LCOR: variants seen among roughly 807,000 people sequenced by gnomAD.
The protein encoded by LCOR is ligand-dependent corepressor.
Under a neutral mutation model 64.4 loss-of-function variants are expected in LCOR, and 14 were observed. The observed-to-expected ratio is 0.22, with a 90% CI of 0.14 to 0.34. The LOEUF (loss-of-function observed/expected upper bound fraction) is 0.34. LCOR is among the 10% of genes least tolerant of loss of function. The pLI, the probability that LCOR is intolerant of heterozygous loss-of-function variation, is 1.00. For missense variants in LCOR, 1,686 were observed against 1,765.3 expected, an observed-to-expected ratio of 0.96 and a Z score of 0.80; for synonymous variants, 643 against 642.5, an observed-to-expected ratio of 1.00 and a Z score of -0.01.
intron 6 of LCOR, 46 bp downstream of exon 6, chr10:96,949,341 A>T: frequency 6.5e-7 from 1 of 1,545,406 alleles, no homozygotes; most frequent in South Asian, 1.2e-5. Context: ...AGAATACTTT[A>T]CTTTGGGGAG....
intron 4 of LCOR, among the ~76,000 whole-genome samples, chr10:96,921,121 A>C (rs1401263880): frequency 3.3e-5 from 5 of 151,568 alleles, no homozygotes; most frequent in African/African-American, 1.2e-4. Flanking sequence ...GTGAGCCACC[A>C]CCCCCAGCCT....
intron 2 of LCOR, among the ~76,000 whole-genome samples, chr10:96,848,089 A>G (rs1352504802): frequency 1.3e-5 from 2 of 152,248 alleles, no homozygotes; most frequent in Non-Finnish European, 2.9e-5. Context: ...AGTAATTACT[A>G]TACCTAAGTC....
At chr10:96,905,609 C>CCCAAA (rs1846714211) in intron 2 of LCOR, among the ~76,000 whole-genome samples, 1 of 152,018 alleles carries the variant, frequency 6.6e-6, no homozygotes. Flanking sequence ...ACAGCCCTAC[C>CCCAAA]CCAACCCTTT....
Position 96,983,522 on chromosome 10 carries a change from G to T in LCOR, c.3062G>T (p.Gly1021Val), listed in dbSNP as rs1439296806. 1 of 1,614,124 alleles carries T rather than the reference G, an allele frequency of 6.2e-7. No homozygotes were observed. The highest frequency in any genetic ancestry group is 8.5e-7 in the Non-Finnish European group (1 of 1,180,032). ...SSLGLSSSGS[G>V]DAARAPKSVP... ...CTTGGGTTGTCGAGTAGTGGAAGTG[G>T]TGATGCTGCTAGGGCACCAAAATCG... Residue 1021 changes from glycine (G) to valine (V), a missense_variant, in exon 8 of 8, where the codon GGT (glycine) becomes GTT (valine). Coordinates refer to ENST00000421806, the MANE Select transcript of LCOR (RefSeq NM_001346516.2). The surrounding 1 kb of genome is among the most constrained non-coding windows in gnomAD (Gnocchi z 4.5).
At chr10:96,927,068 T>C (rs1452904834) in intron 4 of LCOR, among the ~76,000 whole-genome samples, 2 of 152,162 alleles carry the variant, frequency 1.3e-5, no homozygotes, top group Admixed American at 6.5e-5. Context: ...ATTGTAAATA[T>C]ATGTTTAACG....
rs529448666 is a variant in LCOR at position 96,920,109 on chromosome 10, G to A, written c.-184+12362G>A. On this transcript the variant is annotated intron_variant, in intron 4 of 7. Coordinates refer to ENST00000421806, the MANE Select transcript of LCOR (RefSeq NM_001346516.2). ...GCTGCATCATTTTACAGTGCTACCA[G>A]CAAGGCTAAAGGGTTCCAATTTTTC... Among the ~76,000 whole-genome samples the A allele has an allele frequency of 8.6e-5, 13 of 152,006 alleles. No homozygotes were observed. In the South Asian group the frequency reaches 2.5e-3, roughly 29 times the overall value.
intron 4 of LCOR, among the ~76,000 whole-genome samples, chr10:96,939,690 CG>C (rs2134503493): frequency 6.6e-6 from 1 of 152,280 alleles, no homozygotes; most frequent in South Asian, 2.1e-4. Context: ...CTAGGCCGGG[CG>C]CGGGGCCCAC....
intron 7 of LCOR, among the ~76,000 whole-genome samples, chr10:96,970,728 C>T (rs1042335369): frequency 1.1e-4 from 16 of 151,254 alleles, no homozygotes; most frequent in African/African-American, 3.7e-4. Context: ...GGCATGATCT[C>T]GGCTCACCAC....
At chr10:96,975,106 G>A (rs896365571) in intron 7 of LCOR, among the ~76,000 whole-genome samples, 2 of 152,220 alleles carry the variant, frequency 1.3e-5, no homozygotes, top group East Asian at 1.9e-4. Flanking sequence ...GGGAGGTGGC[G>A]GTTGCCGTGA....
intron 4 of LCOR, among the ~76,000 whole-genome samples, chr10:96,920,673 T>TGTACATTC: frequency 1.4e-5 from 2 of 144,888 alleles, no homozygotes; most frequent in East Asian, 3.9e-4. Context: ...TATATATGTA[T>TGTACATTC]ATATTCATAT....
At chr10:96,901,878 T>C (rs1846644567) in intron 2 of LCOR, among the ~76,000 whole-genome samples, 1 of 152,196 alleles carries the variant, frequency 6.6e-6, no homozygotes, top group Non-Finnish European at 1.5e-5. Context: ...CAAGTGATCT[T>C]ACCACGTCAG....
At chr10:96,957,070 A>G (rs971586336) in intron 7 of LCOR, 6 of 985,390 alleles carry the variant, frequency 6.1e-6, no homozygotes, top group African/African-American at 1.7e-5. Flanking sequence ...TTTAGGATGC[A>G]TATCAGTTCT....
chr10:96,983,778 G>T lies in LCOR; in HGVS notation c.3318G>T (p.Glu1106Asp). The part of the protein sequence containing the change: ...PKFMEWCAEE[E>D]NQELIANFNA... ...TTATGGAATGGTGTGCTGAGGAGGA[G>T]AACCAAGAGCTCATCGCCAACTTCA... The change falls in exon 8 of 8, where the codon GAG becomes GAT. Residue 1106 changes from glutamate to aspartate, a missense_variant. Around this residue, in one of 3 missense-constraint regions of LCOR, gnomAD observed 1,293 missense variants for 1,410.4 expected, o/e 0.92. Coordinates refer to ENST00000421806, the MANE Select transcript of LCOR (RefSeq NM_001346516.2). This position sits in a 1 kb window ranked among gnomAD's most constrained non-coding sequence, Gnocchi z 4.5. The T allele has an allele frequency of 1.2e-6, 2 of 1,614,124 alleles. No homozygotes were observed. Among genetic ancestry groups the T allele is most frequent in the Non-Finnish European group, 1.7e-6 (2 of 1,180,034 alleles).
chr10:96,857,975 T>C (rs1158243282), intron 2 of LCOR, among the ~76,000 whole-genome samples: 2 of 152,180 alleles, frequency 1.3e-5, no homozygotes, highest in Non-Finnish European at 2.9e-5. Context: ...AGGCTAAAAT[T>C]GAGTAAGAGG....
chr10:96,873,784 A>G (rs1291123253), intron 2 of LCOR, among the ~76,000 whole-genome samples: 1 of 151,982 alleles, frequency 6.6e-6, no homozygotes, highest in South Asian at 2.1e-4. Flanking sequence ...TTATAGTTTT[A>G]GTAGAGATGG....
In LCOR at chr10:96,941,438, G is replaced by A. The variant is rs1477689269; in HGVS notation, c.-183-2675G>A. Among the ~76,000 whole-genome samples the A allele has an allele frequency of 4.2e-5, 6 of 141,250 alleles. No individual in the cohort carries two copies. The East Asian group carries it at 1.1e-3, about 27-fold the overall frequency. 92.7% of individuals were successfully genotyped at this position (141,250 alleles called of 152,430 possible). ...CTGACCCCCCACCTCCCTCCTGGAC[G>A]GGGCGACTGGCCGGGCAGAGGGGCT... is the stretch of plus-strand genomic sequence containing the variant. On this transcript the variant is annotated intron_variant, in intron 4 of 7. Coordinates refer to ENST00000421806, the MANE Select transcript of LCOR (RefSeq NM_001346516.2).
At chr10:96,841,951 T>C (rs928910300) in intron 2 of LCOR, among the ~76,000 whole-genome samples, 2 of 152,090 alleles carry the variant, frequency 1.3e-5, no homozygotes, top group African/African-American at 4.8e-5. Context: ...ACTGTTGTTT[T>C]TGATCTCATG....
intron 2 of LCOR, among the ~76,000 whole-genome samples, chr10:96,895,821 G>A (rs994076259): frequency 6.6e-6 from 1 of 152,120 alleles, no homozygotes; most frequent in Admixed American, 6.5e-5. Context: ...TACCTCCTTT[G>A]CCTGTAATCC....
At chr10:96,863,454 T>TG (rs1845922827) in intron 2 of LCOR, among the ~76,000 whole-genome samples, 1 of 152,178 alleles carries the variant, frequency 6.6e-6, no homozygotes, top group African/African-American at 2.4e-5. Context: ...TCTACCCACC[T>TG]CGGCCTCCCA....
Sources: gnomAD v4.1 joint callset for allele counts (sites outside exome capture counted in the v4.1 genomes callset) on GRCh38, gnomAD v4.1.1 for gene constraint, gnomAD v4.1.1 regional missense constraint, Gnocchi (gnomAD v3.1) non-coding constraint, MANE v1.5 for transcripts, NCBI Gene and HGNC (gene_info 2026-07-23, HGNC 2026-07-21) for gene names.